Variants in JARID2 observed in about 807,000 individuals in gnomAD.
JARID2 encodes jumonji and AT-rich interaction domain containing 2, also known as protein Jumonji.
Under a neutral mutation model 125.6 loss-of-function variants are expected in JARID2, and 21 were observed. That is an observed-to-expected ratio of 0.17 (90% CI 0.12 to 0.24). The LOEUF (loss-of-function observed/expected upper bound fraction) is 0.24, where lower values mean the gene tolerates loss of function less well. Ranked by LOEUF, JARID2 falls within the 10% of genes least tolerant of loss-of-function variation. The pLI, the probability that JARID2 is intolerant of heterozygous loss-of-function variation, is 1.00. For synonymous variants in JARID2, 736 were observed against 661.6 expected, an observed-to-expected ratio of 1.11 and a Z score of -1.73; for missense variants, 1,303 against 1,639.6, an observed-to-expected ratio of 0.79 and a Z score of 3.55.
At chr6:15,345,751 AC>A in intron 1 of JARID2, among the ~76,000 whole-genome samples, 1 of 152,230 alleles carries the variant, frequency 6.6e-6, no homozygotes. Flanking sequence ...CCATTTTCTT[AC>A]GTTTTCTTAG....
chr6:15,425,191 A>G (rs1009018634), intron 3 of JARID2, among the ~76,000 whole-genome samples: 1 of 152,128 alleles, frequency 6.6e-6, no homozygotes, highest in African/African-American at 2.4e-5. Context: ...TACCTTCAAA[A>G]TTTTTGGAGT....
In JARID2 at chr6:15,468,654, T is replaced by A. The variant is rs1320686577; in HGVS notation, c.606T>A (p.Ala202=). Residue 202 remains alanine, a synonymous_variant, in exon 5 of 18, where the codon GCT becomes GCA. Transcript: ENST00000341776. ...ACGTCAAAACAGCCACCAACAATGC[T>A]TCATCTTCATGCCAGTCGACCCCCA... is the stretch of plus-strand genomic sequence containing the variant. ...TEDVKTATNN[A]SSSCQSTPRK... 3 of 1,613,920 alleles carry A rather than the reference T, an allele frequency of 1.9e-6. No homozygotes were observed. Among genetic ancestry groups the A allele is most frequent in the Non-Finnish European group, 2.5e-6 (3 of 1,179,950 alleles).
At chr6:15,432,436 C>T (rs1018437393) in intron 3 of JARID2, among the ~76,000 whole-genome samples, 5 of 137,918 alleles carry the variant, frequency 3.6e-5, no homozygotes, top group African/African-American at 8.2e-5. Context: ...CCTCCAGCTA[C>T]TCTCACCTTC....
chr6:15,246,447 TAAA>T lies in JARID2; in HGVS notation c.-90_-88del, dbSNP rs1759186404. 9.3e-7 allele frequency: 1 copy of T among 1,070,146 alleles called. No individual in the cohort carries two copies. Among genetic ancestry groups the T allele is most frequent in the Non-Finnish European group, 1.4e-6 (1 of 700,178 alleles). 66.3% of individuals were successfully genotyped at this position (1,070,146 alleles called of 1,614,324 possible). A position where few individuals can be genotyped will look rare whatever the true frequency, so the allele number is the denominator to read the frequency against. ...CAAGATCAACCACCACCAACAACAA[TAAA>T]AACCACCAGGATATTTTTTTGCAAA... On this transcript the variant is annotated 5_prime_UTR_variant, in exon 1 of 18. Coordinates refer to ENST00000341776, the MANE Select transcript of JARID2 (RefSeq NM_004973.4).
chr6:15,442,216 G>C (rs970491654), intron 3 of JARID2, among the ~76,000 whole-genome samples: 207 of 152,150 alleles, frequency 1.4e-3, no homozygotes, highest in African/African-American at 4.8e-3. Flanking sequence ...TTGCAGTTGG[G>C]TGTTGAGTAA....
At chr6:15,354,378 G>C (rs979933312) in intron 1 of JARID2, among the ~76,000 whole-genome samples, 1 of 152,164 alleles carries the variant, frequency 6.6e-6, no homozygotes, top group African/African-American at 2.4e-5. Flanking sequence ...ACTGATTTTG[G>C]ACTACTTACT....
rs752815074 is a variant in JARID2, at chr6:15,487,303, C to G, written c.671-4C>G. On this transcript the variant is annotated splice_region_variant and splice_polypyrimidine_tract_variant and intron_variant, in intron 5 of 17. Transcript: ENST00000341776. ...TTCATTCTTGTTTTCTCCTTCCTTT[C>G]TAGTTTTCAATGGTTCCAGCAGGTC... The G allele has an allele frequency of 3.1e-6, 5 of 1,612,768 alleles. No individual in the cohort carries two copies. Among genetic ancestry groups the G allele is most frequent in the African/African-American group, 1.3e-5 (1 of 74,860 alleles).
chr6:15,358,999 A>G (rs1029525277), intron 1 of JARID2, among the ~76,000 whole-genome samples: 17 of 152,360 alleles, frequency 1.1e-4, no homozygotes, highest in African/African-American at 3.8e-4. Context: ...CTAGTATTCT[A>G]GGAGAGTGCT....
At chr6:15,487,221 G>A (rs528324287) in intron 5 of JARID2, 86 bp from the exon 6 acceptor site, 69 of 1,097,850 alleles carry the variant, frequency 6.3e-5, no homozygotes, top group Admixed American at 5.9e-4. Flanking sequence ...AGATTTGGGT[G>A]GGGACACAGA....
At chr6:15,401,382 C>T (rs549218281) in intron 2 of JARID2, among the ~76,000 whole-genome samples, 1 of 152,340 alleles carries the variant, frequency 6.6e-6, no homozygotes, top group East Asian at 1.9e-4. Context: ...AGACATTTCT[C>T]TGGAGACTGA....
At chr6:15,401,342 C>G (rs1765425977) in intron 2 of JARID2, among the ~76,000 whole-genome samples, 1 of 152,190 alleles carries the variant, frequency 6.6e-6, no homozygotes, top group South Asian at 2.1e-4. Flanking sequence ...TTGGCCAAAG[C>G]TGCAGTTTCA....
intron 1 of JARID2, among the ~76,000 whole-genome samples, chr6:15,283,052 C>A (rs1040413813): frequency 6.6e-6 from 1 of 151,736 alleles, no homozygotes; most frequent in African/African-American, 2.4e-5. Flanking sequence ...GATCTTGGCT[C>A]ACTGTAAGCT....
At chr6:15,360,505 CAG>C (rs536393713) in intron 1 of JARID2, among the ~76,000 whole-genome samples, 141 of 152,164 alleles carry the variant, frequency 9.3e-4, no homozygotes, top group African/African-American at 3.1e-3. Flanking sequence ...TTTTATGAGA[CAG>C]GGTCACACTC....
In JARID2 at chr6:15,343,755, C is replaced by T. The variant is rs535111440; in HGVS notation, c.46-30362C>T. Among the ~76,000 whole-genome samples the T allele has an allele frequency of 2.6e-5, 4 of 152,224 alleles. No homozygotes were observed. In the South Asian group the frequency reaches 8.3e-4, roughly 32 times the overall value. ...ATTGTTTAGACTAATGTACATTGAT[C>T]TTGGCATAATGATCACAAGACTATA... On this transcript the variant is annotated intron_variant, in intron 1 of 17. Coordinates refer to ENST00000341776, the MANE Select transcript of JARID2 (RefSeq NM_004973.4).
At chr6:15,317,480 C>G (rs1762217526) in intron 1 of JARID2, among the ~76,000 whole-genome samples, 1 of 152,064 alleles carries the variant, frequency 6.6e-6, no homozygotes, top group Non-Finnish European at 1.5e-5. Flanking sequence ...CCCCAAAACT[C>G]CCTAGGAAAT....
intron 2 of JARID2, among the ~76,000 whole-genome samples, chr6:15,409,723 G>A (rs1160752322): frequency 6.6e-6 from 1 of 152,178 alleles, no homozygotes; most frequent in Non-Finnish European, 1.5e-5. Context: ...TGGCTATGAA[G>A]AAAAACAAGT....
At chr6:15,476,185 C>G (rs886219414) in intron 5 of JARID2, among the ~76,000 whole-genome samples, 1 of 152,180 alleles carries the variant, frequency 6.6e-6, no homozygotes, top group African/African-American at 2.4e-5. Context: ...TGCTTTACCA[C>G]TGGGGTGGGT....
At chr6:15,276,093 G>A (rs1760490720) in intron 1 of JARID2, among the ~76,000 whole-genome samples, 1 of 152,190 alleles carries the variant, frequency 6.6e-6, no homozygotes, top group Admixed American at 6.5e-5. Flanking sequence ...TAATGTTAAT[G>A]AGGAAAAGAG....
At chr6:15,310,345 A>C (rs1157110714) in intron 1 of JARID2, among the ~76,000 whole-genome samples, 1 of 152,234 alleles carries the variant, frequency 6.6e-6, no homozygotes, top group East Asian at 1.9e-4. Context: ...AATATTCTTT[A>C]CAAATGACTA....
Sources: gnomAD v4.1 joint callset for allele counts (sites outside exome capture counted in the v4.1 genomes callset) on GRCh38, gnomAD v4.1.1 for gene constraint, MANE v1.5 for transcripts, NCBI Gene and HGNC (gene_info 2026-07-23, HGNC 2026-07-21) for gene names.